The following AGAP3 variants were observed in gnomAD, a reference collection of about 807,000 sequenced individuals.
AGAP3 encodes ArfGAP with GTPase domain, ankyrin repeat and PH domain 3, also known as arf-GAP with GTPase, ANK repeat and PH domain-containing protein 3.
Under a neutral mutation model 96.9 loss-of-function variants are expected in AGAP3, and 24 were observed. That is an observed-to-expected ratio of 0.25 (90% CI 0.18 to 0.35). The LOEUF (loss-of-function observed/expected upper bound fraction) is 0.35. Among genes scored for constraint, AGAP3 ranks in the 10% least tolerant of loss-of-function variants. AGAP3 has a pLI of 1.00. For missense variants in AGAP3, 876 were observed against 1,254.2 expected, an observed-to-expected ratio of 0.70 and a Z score of 4.55; for synonymous variants, 563 against 536.1, an observed-to-expected ratio of 1.05 and a Z score of -0.69.
At chr7:151,103,550 A>C (rs943154045) in intron 1 of AGAP3, among the ~76,000 whole-genome samples, 1 of 151,964 alleles carries the variant, frequency 6.6e-6, no homozygotes, top group African/African-American at 2.4e-5. Flanking sequence ...TCATGCTCAC[A>C]TATGTTTTTT....
intron 2 of AGAP3, 65 bp downstream of exon 2, chr7:151,116,916 G>T: frequency 6.3e-7 from 1 of 1,599,722 alleles, no homozygotes; most frequent in Admixed American, 1.7e-5. Context: ...GGTGCCGCGG[G>T]CCTGGGCCTT....
At chr7:151,099,269 G>A (rs1354708288) in intron 1 of AGAP3, among the ~76,000 whole-genome samples, 6 of 151,564 alleles carry the variant, frequency 4.0e-5, no homozygotes, top group Non-Finnish European at 7.4e-5. Flanking sequence ...TGTGAACCCG[G>A]GAGGCGGAGC....
At chr7:151,099,544 A>G (rs1216558965) in intron 1 of AGAP3, among the ~76,000 whole-genome samples, 2 of 152,142 alleles carry the variant, frequency 1.3e-5, no homozygotes, top group Non-Finnish European at 2.9e-5. Flanking sequence ...GTGGGTGACA[A>G]AGTGTGTTCA....
In AGAP3 at chr7:151,139,923, C is replaced by T; in HGVS notation, c.1667-56C>T. 1 of 1,430,406 alleles carries T rather than the reference C, an allele frequency of 7.0e-7. No individual in the cohort carries two copies. Among genetic ancestry groups the T allele is most frequent in the Non-Finnish European group, 9.2e-7 (1 of 1,084,840 alleles). 88.6% of individuals were successfully genotyped at this position (1,430,406 alleles called of 1,614,324 possible). A position where few individuals can be genotyped will look rare whatever the true frequency, so the allele number is the denominator to read the frequency against. Reference sequence around the variant, plus strand: ...CTCTCCTCCTCCCAGTGCCCTGCGCCCCTCCCCTCCTCTGCCTCCCTTCTT... The same window carrying T: ...CTCTCCTCCTCCCAGTGCCCTGCGCTCCTCCCCTCCTCTGCCTCCCTTCTT... On this transcript the variant is annotated intron_variant, in intron 12 of 17. Transcript: ENST00000397238. This position sits in a 1 kb window ranked among gnomAD's most constrained non-coding sequence, Gnocchi z 4.9.
chr7:151,107,893 G>C (rs1268996203), intron 1 of AGAP3, among the ~76,000 whole-genome samples: 1 of 152,220 alleles, frequency 6.6e-6, no homozygotes, highest in Non-Finnish European at 1.5e-5. Flanking sequence ...TCTGAGTCTG[G>C]AGCCCCCACC....
intron 10 of AGAP3, among the ~76,000 whole-genome samples, chr7:151,132,959 T>C (rs886602848): frequency 7.6e-4 from 116 of 152,096 alleles, no homozygotes; most frequent in African/African-American, 2.8e-3. Context: ...GGTGAGAAGA[T>C]AGAGCCAGCC....
intron 1 of AGAP3, chr7:151,115,215 C>A (rs1047503858): frequency 1.0e-6 from 1 of 1,001,540 alleles, no homozygotes; most frequent in Non-Finnish European, 1.2e-6. Context: ...GGGTCTGGGG[C>A]GCGCGGGCAG....
intron 1 of AGAP3, among the ~76,000 whole-genome samples, chr7:151,092,295 T>TG (rs1392109991): frequency 1.3e-5 from 2 of 152,150 alleles, no homozygotes; most frequent in African/African-American, 2.4e-5. Flanking sequence ...GAGCCAAGGC[T>TG]GGGGGGAGAC....
At position 151,117,730 on chromosome 7, in the gene AGAP3, G is replaced by C. The variant is rs1361023841; in HGVS notation, c.659G>C (p.Ser220Thr). The C allele has an allele frequency of 6.2e-7, 1 of 1,614,070 alleles. No individual in the cohort carries two copies. The highest frequency in any genetic ancestry group is 1.3e-5 in the African/African-American group (1 of 74,924). Residue 220 changes from serine (S) to threonine (T), a missense_variant, in exon 5 of 18, where the codon AGC becomes ACC. This residue lies in a region of AGAP3 where 131 missense variants were observed against 304.5 expected (regional missense o/e 0.43). Coordinates refer to ENST00000397238, the MANE Select transcript of AGAP3 (RefSeq NM_031946.7). ...TVYNYFLRLCSFRNASEVPMV... is the reference protein window; with the variant it reads ...TVYNYFLRLCTFRNASEVPMV... ...TACAACTACTTCCTGCGTCTCTGCA[G>C]CTTCCGCAACGCCAGCGAGGTGCCC...
chr7:151,104,934 G>A (rs1430875140), intron 1 of AGAP3, among the ~76,000 whole-genome samples: 1 of 152,232 alleles, frequency 6.6e-6, no homozygotes, highest in Non-Finnish European at 1.5e-5. Flanking sequence ...AGCCAACCCA[G>A]TGGCCTGGGG....
At chr7:151,099,211 C>T (rs1173366469) in intron 1 of AGAP3, among the ~76,000 whole-genome samples, 8 of 151,560 alleles carry the variant, frequency 5.3e-5, no homozygotes, top group Admixed American at 4.6e-4. Flanking sequence ...GGCATGGTGG[C>T]GGGCGCCTGT....
At chr7:151,120,400 G>T in intron 8 of AGAP3, 3 of 667,712 alleles carry the variant, frequency 4.5e-6, no homozygotes, top group East Asian at 2.8e-5. Context: ...GCCCTCTGCC[G>T]CACACACTCA....
chr7:151,122,520 C>G (rs1234899416), intron 8 of AGAP3, among the ~76,000 whole-genome samples: 2 of 151,316 alleles, frequency 1.3e-5, no homozygotes, highest in African/African-American at 4.9e-5. Context: ...GCCGCCGCCG[C>G]CTCCTCCTCC....
intron 1 of AGAP3, among the ~76,000 whole-genome samples, chr7:151,093,431 A>G (rs1798476450): frequency 6.6e-6 from 1 of 152,202 alleles, no homozygotes; most frequent in Non-Finnish European, 1.5e-5. Context: ...ATGAGCCACC[A>G]CGTCCGTGCC....
rs775880200 is a variant in AGAP3, at chr7:151,140,046, C to T, written c.1734C>T (p.Asn578=). The T allele has an allele frequency of 2.1e-5, 33 of 1,607,230 alleles. No homozygotes were observed. The highest frequency in any genetic ancestry group is 2.3e-5 in the East Asian group (1 of 44,190). Residue 578 remains asparagine (N), a synonymous_variant, in exon 13 of 18, where the codon AAC becomes AAT. Coordinates refer to ENST00000397238, the MANE Select transcript of AGAP3 (RefSeq NM_031946.7). This position sits in a 1 kb window ranked among gnomAD's most constrained non-coding sequence, Gnocchi z 5.4. ...ATCCTCCCCCATCTCCCCACTCCAACCGGAAGAAGCACCGGAGGAAAAAGA... is the reference window on the plus strand; with the variant it reads ...ATCCTCCCCCATCTCCCCACTCCAATCGGAAGAAGCACCGGAGGAAAAAGA... ...KLDPPPSPHS[N]RKKHRRKKST...
In AGAP3 at chr7:151,139,236, GCCCAGC is replaced by G. The variant is rs1800727764; in HGVS notation, c.1667-741_1667-736del. Among the ~76,000 whole-genome samples, 1 of 152,218 alleles carries G rather than the reference GCCCAGC, an allele frequency of 6.6e-6. No individual in the cohort carries two copies. Among genetic ancestry groups the G allele is most frequent in the Admixed American group, 6.5e-5 (1 of 15,288 alleles). Reference sequence around the variant, plus strand: ...GAGCCCTCCCAGTAGGAGCCCTGAGGCCCAGCCTCTGAGCTGCCATGGCCTCAGGAG... The same window carrying G: ...GAGCCCTCCCAGTAGGAGCCCTGAGGCTCTGAGCTGCCATGGCCTCAGGAG... On this transcript the variant is annotated intron_variant, in intron 12 of 17. Coordinates refer to ENST00000397238, the MANE Select transcript of AGAP3 (RefSeq NM_031946.7). This position sits in a 1 kb window ranked among gnomAD's most constrained non-coding sequence, Gnocchi z 4.9.
Position 151,143,751 on chromosome 7 carries a change from G to A in AGAP3, c.2544G>A (p.Val848=). ...TQLLIWYGVD[V]RSRDARGLTP... ...TTCTCCTACAGTACGGGGTGGACGT[G>A]AGGAGCCGGGACGCCCGGGGCCTGA... Residue 848 remains valine (V), a synonymous_variant, in exon 18 of 18, where the codon GTG becomes GTA. Coordinates refer to ENST00000397238, the MANE Select transcript of AGAP3 (RefSeq NM_031946.7). This position sits in a 1 kb window ranked among gnomAD's most constrained non-coding sequence, Gnocchi z 5.9. 1 of 1,614,192 alleles carries A rather than the reference G, an allele frequency of 6.2e-7. No homozygotes were observed. The highest frequency in any genetic ancestry group is 8.5e-7 in the Non-Finnish European group (1 of 1,180,046).
chr7:151,123,905 G>T lies in AGAP3; in HGVS notation c.1221+19G>T, dbSNP rs1370124700. 2.5e-6 allele frequency: 4 copies of T among 1,599,616 alleles called. No individual in the cohort carries two copies. In the African/African-American group the frequency reaches 4.0e-5, roughly 16 times the overall value. ...CAAGCAGGTCAGCGCCTCCCTTCCC[G>T]TGTGCTCCAGGGCTCAGAATGAGGC... On this transcript the variant is annotated intron_variant, in intron 9 of 17. Transcript: ENST00000397238.
chr7:151,120,390 G>A, intron 8 of AGAP3: 1 of 661,726 alleles, frequency 1.5e-6, no homozygotes, highest in Non-Finnish European at 2.7e-6. Flanking sequence ...AGTCCTCCCT[G>A]CCCTCTGCCG....
Sources: allele counts gnomAD v4.1 joint callset (sites outside exome capture counted in the v4.1 genomes callset), GRCh38; gene constraint gnomAD v4.1.1; regional missense constraint gnomAD v4.1.1; non-coding constraint Gnocchi (gnomAD v3.1); transcripts MANE v1.5; gene names NCBI Gene and HGNC (gene_info 2026-07-23, HGNC 2026-07-21).